Variants in SGK1 observed in about 807,000 individuals in gnomAD.
SGK1 encodes serine/threonine-protein kinase Sgk1.
SGK1 carries 26 observed loss-of-function variants against 64.2 expected under a neutral mutation model. The ratio of observed to expected loss-of-function variants is 0.40; its 90% CI spans 0.30 to 0.56. The LOEUF is 0.56. SGK1 is among the 20% of genes least tolerant of loss of function. The pLI, the probability that SGK1 is intolerant of heterozygous loss-of-function variation, is 0.38. For missense variants in SGK1, 519 were observed against 645.6 expected (o/e 0.80, Z 2.12); for synonymous variants, 265 against 239.7 (o/e 1.11, Z -0.98).
chr6:134,204,221 AAAATAAATAAATAAATAAATAAATAAAT>A (rs146311627), intron 3 of SGK1, among the ~76,000 whole-genome samples: 1 of 139,072 alleles, frequency 7.2e-6, no homozygotes, highest in Admixed American at 7.4e-5. Flanking sequence ...AACTAGGCAA[AAAATAAATAAATAAATAAATAAATAAAT>A]AAATAAATAA....
chr6:134,271,619 G>A (rs1462689039), intron 1 of SGK1, among the ~76,000 whole-genome samples: 1 of 146,870 alleles, frequency 6.8e-6, no homozygotes, highest in East Asian at 2.5e-4. Flanking sequence ...TTTTTTGTTT[G>A]TTTATTTTAG....
chr6:134,253,941 G>A (rs760564231), intron 2 of SGK1, among the ~76,000 whole-genome samples: 64 of 152,082 alleles, frequency 4.2e-4, no homozygotes, highest in Non-Finnish European at 7.2e-4. Flanking sequence ...ATTGAAAGAC[G>A]GACAGCGGAC....
chr6:134,304,770 A>G (rs1777510760), intron 1 of SGK1, among the ~76,000 whole-genome samples: 1 of 152,218 alleles, frequency 6.6e-6, no homozygotes, highest in African/African-American at 2.4e-5. Context: ...GCAGTTTACA[A>G]TGAAAAACAC....
At chr6:134,227,421 A>G (rs1776202174) in intron 2 of SGK1, among the ~76,000 whole-genome samples, 1 of 152,212 alleles carries the variant, frequency 6.6e-6, no homozygotes, top group Admixed American at 6.5e-5. Flanking sequence ...GGCGTGGGCC[A>G]CCGTGCCTGG....
At chr6:134,295,992 A>G (rs1777341906) in intron 1 of SGK1, among the ~76,000 whole-genome samples, 1 of 152,228 alleles carries the variant, frequency 6.6e-6, no homozygotes, top group Admixed American at 6.5e-5. Context: ...GTTCACTTCA[A>G]TTTTCTCAAG....
chr6:134,173,161 A>G lies in SGK1; in HGVS notation c.703-7T>C, dbSNP rs1170310907. On this transcript the variant is annotated splice_polypyrimidine_tract_variant and splice_region_variant and intron_variant, in intron 7 of 13. Transcript: ENST00000367858. ...CCGACATAATATGCTTCTCCTAGGAAAATGACGATTCAGATTTAGTGGCAT... is the reference window on the plus strand; with the variant it reads ...CCGACATAATATGCTTCTCCTAGGAGAATGACGATTCAGATTTAGTGGCAT... The G allele has an allele frequency of 2.2e-5, 36 of 1,611,504 alleles. No homozygotes were observed. The highest frequency in any genetic ancestry group is 2.9e-5 in the Non-Finnish European group (34 of 1,178,152).
intron 2 of SGK1, among the ~76,000 whole-genome samples, chr6:134,236,369 G>A (rs912492959): frequency 2.0e-5 from 3 of 152,106 alleles, no homozygotes; most frequent in Non-Finnish European, 2.9e-5. Context: ...GGTAGATCAC[G>A]CCTGTAAGCA....
chr6:134,294,697 C>A (rs746053658), intron 1 of SGK1, among the ~76,000 whole-genome samples: 7 of 152,086 alleles, frequency 4.6e-5, no homozygotes, highest in African/African-American at 7.2e-5. Flanking sequence ...ACCCCCCCAA[C>A]CAGCTAATTT....
intron 1 of SGK1, among the ~76,000 whole-genome samples, chr6:134,272,297 T>C (rs1776951040): frequency 7.2e-6 from 1 of 138,190 alleles, no homozygotes; most frequent in Admixed American, 7.8e-5. Context: ...TGCACCACCA[T>C]GACCAGCTAA....
intron 3 of SGK1, among the ~76,000 whole-genome samples, chr6:134,190,853 T>C (rs879272627): frequency 1.3e-5 from 2 of 152,190 alleles, no homozygotes; most frequent in Non-Finnish European, 2.9e-5. Flanking sequence ...ACACTAGACT[T>C]AGCTGGATTA....
intron 2 of SGK1, among the ~76,000 whole-genome samples, chr6:134,256,048 T>C (rs1448310012): frequency 1.3e-5 from 2 of 152,110 alleles, no homozygotes; most frequent in South Asian, 4.1e-4. Context: ...TTGGTAGATA[T>C]TTTTCTTCAA....
intron 1 of SGK1, among the ~76,000 whole-genome samples, chr6:134,268,648 G>A (rs1271539693): frequency 3.5e-5 from 5 of 143,660 alleles, no homozygotes; most frequent in East Asian, 2.6e-4. Context: ...GCGTGAACCC[G>A]GGAGGCGGAG....
intron 1 of SGK1, among the ~76,000 whole-genome samples, chr6:134,269,208 G>T (rs1220335068): frequency 1.4e-5 from 2 of 147,674 alleles, no homozygotes; most frequent in African/African-American, 4.9e-5. Context: ...CGTCCTTTTA[G>T]GGGGAAGAGC....
chr6:134,254,094 CTTTTCTGTCCTAGTCTCTCCT>C (rs1776644882), intron 2 of SGK1, among the ~76,000 whole-genome samples: 1 of 140,910 alleles, frequency 7.1e-6, no homozygotes, highest in African/African-American at 2.6e-5. Flanking sequence ...CTAGTCTCTC[CTTTTCTGTCCTAGTCTCTCCT>C]TTTTTTTTTT....
At chr6:134,244,036 G>T (rs950878268) in intron 2 of SGK1, among the ~76,000 whole-genome samples, 1 of 152,008 alleles carries the variant, frequency 6.6e-6, no homozygotes, top group Non-Finnish European at 1.5e-5. Context: ...ATGCAGGTTT[G>T]TTACACAGGC....
In SGK1 at chr6:134,270,066, C is replaced by T. The variant is rs1776916569; in HGVS notation, c.70-7918G>A. Among the ~76,000 whole-genome samples, 2 of 147,692 alleles carry T rather than the reference C, an allele frequency of 1.4e-5. 1 individual carries two copies. The highest frequency in any genetic ancestry group is 1.4e-4 in the Admixed American group (2 of 14,516). On this transcript the variant is annotated intron_variant, in intron 1 of 13. Transcript: ENST00000367858. ...CCTCCCGAGTAGCTGGGATTACAGACGTGTGTCACCACATCCAGCTAGTTT... is the reference window on the plus strand; with the variant it reads ...CCTCCCGAGTAGCTGGGATTACAGATGTGTGTCACCACATCCAGCTAGTTT...
chr6:134,202,046 A>T (rs1021914597), intron 3 of SGK1, among the ~76,000 whole-genome samples: 2 of 152,212 alleles, frequency 1.3e-5, no homozygotes, highest in African/African-American at 4.8e-5. Context: ...TAGGCACATC[A>T]TAGTCAAACT....
At chr6:134,234,289 A>G (rs1240286974) in intron 2 of SGK1, among the ~76,000 whole-genome samples, 3 of 151,872 alleles carry the variant, frequency 2.0e-5, no homozygotes, top group Non-Finnish European at 4.4e-5. Flanking sequence ...TGTAATCCCA[A>G]CTACTCAGGA....
Position 134,277,488 on chromosome 6 carries a change from G to A in SGK1, c.70-15340C>T, listed in dbSNP as rs1291408814. Among the ~76,000 whole-genome samples the A allele has an allele frequency of 3.3e-5, 5 of 152,288 alleles. No homozygotes were observed. The East Asian group carries it at 7.7e-4, about 24-fold the overall frequency. On this transcript the variant is annotated intron_variant, in intron 1 of 13. Coordinates refer to ENST00000367858, the MANE Select transcript of SGK1 (RefSeq NM_001143676.3). ...GCTAAATGGAGCACGAAATGACCAG[G>A]GTCCTGGAGGTGTGAGAGGTGGGCA...
Sources: allele counts gnomAD v4.1 joint callset (sites outside exome capture counted in the v4.1 genomes callset), GRCh38; gene constraint gnomAD v4.1.1; transcripts MANE v1.5; gene names NCBI Gene and HGNC (gene_info 2026-07-23, HGNC 2026-07-21).